The following C2orf76 variants were observed in gnomAD, a reference collection of about 807,000 sequenced individuals.
The protein encoded by C2orf76 is chromosome 2 open reading frame 76.
C2orf76 carries 23 observed loss-of-function variants against 16.9 expected under a neutral mutation model. The ratio of observed to expected loss-of-function variants is 1.36; its 90% CI spans 0.98 to 1.93. The LOEUF is 1.93. Ranked by LOEUF, C2orf76 falls within the 30% of genes most tolerant of loss-of-function variation. C2orf76 has a pLI of 0.00. For missense variants in C2orf76, 152 were observed against 152.6 expected, an observed-to-expected ratio of 1.00 and a Z score of 0.02; for synonymous variants, 48 against 52.3, an observed-to-expected ratio of 0.92 and a Z score of 0.35.
chr2:119,327,792 T>C lies in C2orf76; in HGVS notation c.134-6588A>G, dbSNP rs1679555964. 2.0e-5 allele frequency among the ~76,000 whole-genome samples: 3 copies of C among 152,324 alleles called. No homozygotes were observed. The South Asian group carries it at 6.2e-4, about 32-fold the overall frequency. ...CAAATAAATCTCTTTTCTTTATAAA[T>C]TACCCAGCTTCAGGTATTCCTTTAT... On this transcript the variant is annotated intron_variant, in intron 2 of 5. Coordinates refer to ENST00000334816, the MANE Select transcript of C2orf76 (RefSeq NM_001322331.2).
intron 1 of C2orf76, among the ~76,000 whole-genome samples, chr2:119,344,815 G>A (rs1680147306): frequency 6.6e-6 from 1 of 152,152 alleles, no homozygotes. Flanking sequence ...GGATACTGGA[G>A]CAGAAATAGA....
At chr2:119,305,077 C>T (rs1181353468) in intron 5 of C2orf76, among the ~76,000 whole-genome samples, 3 of 152,166 alleles carry the variant, frequency 2.0e-5, no homozygotes, top group Non-Finnish European at 4.4e-5. Context: ...AGTGCCTTGG[C>T]ATGGGAATCT....
intron 1 of C2orf76, among the ~76,000 whole-genome samples, chr2:119,345,762 CT>C (rs762012065): frequency 1.6e-3 from 241 of 152,170 alleles, no homozygotes; most frequent in Non-Finnish European, 2.6e-3. Context: ...CTAAAAAGTA[CT>C]AAAAGAATAA....
chr2:119,322,722 A>G (rs1194907077), intron 2 of C2orf76, among the ~76,000 whole-genome samples: 1 of 152,216 alleles, frequency 6.6e-6, no homozygotes, highest in Non-Finnish European at 1.5e-5. Context: ...CTCTACTAAC[A>G]TGATAAGATC....
chr2:119,361,260 G>GA (rs1297173113), intron 1 of C2orf76, among the ~76,000 whole-genome samples: 1 of 152,188 alleles, frequency 6.6e-6, no homozygotes, highest in Non-Finnish European at 1.5e-5. Flanking sequence ...AATATTAAAT[G>GA]AAAAATTCCA....
chr2:119,362,884 C>T (rs1680788704), intron 1 of C2orf76, among the ~76,000 whole-genome samples: 1 of 152,156 alleles, frequency 6.6e-6, no homozygotes, highest in African/African-American at 2.4e-5. Flanking sequence ...TTACTCTTCT[C>T]TCCTGCCCGC....
At chr2:119,285,871 A>G in the C2orf76 span, among the ~76,000 whole-genome samples, 2 of 152,148 alleles carry the variant, frequency 1.3e-5, no homozygotes, top group African/African-American at 2.4e-5. Flanking sequence ...ATGGAGATGC[A>G]AGAGTAAGCC....
chr2:119,321,249 C>T (rs1679332818), intron 2 of C2orf76, 45 bp from the exon 3 acceptor site: 3 of 1,030,854 alleles, frequency 2.9e-6, no homozygotes, highest in Non-Finnish European at 4.4e-6. Context: ...CAAATAGACA[C>T]TCATAGAATA....
intron 5 of C2orf76, among the ~76,000 whole-genome samples, chr2:119,303,969 T>C (rs1446796554): frequency 6.6e-6 from 1 of 152,016 alleles, no homozygotes; most frequent in Non-Finnish European, 1.5e-5. Context: ...TAAGTTAAGG[T>C]ACAGTTAAAT....
intron 1 of C2orf76, among the ~76,000 whole-genome samples, chr2:119,354,567 G>A (rs1254897741): frequency 6.6e-6 from 1 of 152,004 alleles, no homozygotes; most frequent in African/African-American, 2.4e-5. Flanking sequence ...TTATAAACTA[G>A]GACTATATGA....
At chr2:119,330,267 C>G (rs569570325) in intron 2 of C2orf76, among the ~76,000 whole-genome samples, 15 of 151,184 alleles carry the variant, frequency 9.9e-5, no homozygotes, top group African/African-American at 3.4e-4. Context: ...GTCCCAGCTA[C>G]TTGGGAGGCT....
intron 5 of C2orf76, among the ~76,000 whole-genome samples, chr2:119,309,398 C>CTTTTTTTTTTT (rs1193022536): frequency 7.0e-5 from 5 of 71,356 alleles, no homozygotes; most frequent in East Asian, 4.0e-4. Context: ...TTCTCTTTTT[C>CTTTTTTTTTTT]TTTTTTTTTT....
intron 1 of C2orf76, among the ~76,000 whole-genome samples, chr2:119,348,579 G>C (rs1170664948): frequency 1.3e-5 from 2 of 152,126 alleles, no homozygotes; most frequent in African/African-American, 2.4e-5. Context: ...CCAGCTACTC[G>C]GGAGGCTGAG....
chr2:119,336,323 C>A (rs1266896793), intron 2 of C2orf76, among the ~76,000 whole-genome samples: 1 of 151,960 alleles, frequency 6.6e-6, no homozygotes, highest in Non-Finnish European at 1.5e-5. Flanking sequence ...AATTCAGGAG[C>A]CAGAGGTTGT....
In C2orf76 at chr2:119,321,185, G is replaced by A. The variant is rs973131908; in HGVS notation, c.153C>T (p.Asn51=). The A allele has an allele frequency of 3.5e-6, 5 of 1,443,402 alleles. No individual in the cohort carries two copies. The African/African-American group carries it at 6.1e-5, about 18-fold the overall frequency. The allele number at this position is 1,443,402 out of a possible 1,614,324, so 89.4% of individuals were successfully genotyped here. A position where few individuals can be genotyped will look rare whatever the true frequency, so the allele number is the denominator to read the frequency against. Residue 51 remains asparagine, a synonymous_variant, in exon 3 of 6, where the codon AAC becomes AAT. Coordinates refer to ENST00000334816, the MANE Select transcript of C2orf76 (RefSeq NM_001322331.2). ...FLKQDIPLRT[N]LPPPFRNYKY... ...TATAATTTCTGAATGGTGGTGGCAG[G>A]TTGGTCCTTAAAGGGATATCTACAA...
At chr2:119,321,909 A>G (rs967177942) in intron 2 of C2orf76, among the ~76,000 whole-genome samples, 2 of 151,874 alleles carry the variant, frequency 1.3e-5, no homozygotes, top group African/African-American at 2.4e-5. Context: ...AGAGCCCCTT[A>G]TGGGTCTTTG....
At chr2:119,350,376 A>C (rs1680360471) in intron 1 of C2orf76, among the ~76,000 whole-genome samples, 1 of 152,184 alleles carries the variant, frequency 6.6e-6, no homozygotes, top group Non-Finnish European at 1.5e-5. Context: ...TTGAAAAGTA[A>C]GAGTGCCTAG....
At chr2:119,289,472 G>C in the C2orf76 span, among the ~76,000 whole-genome samples, 7 of 152,136 alleles carry the variant, frequency 4.6e-5, no homozygotes, top group African/African-American at 1.7e-4. Context: ...CAGATCAGGA[G>C]GTCAAGTGAT....
At chr2:119,300,218 A>C (rs1246157964), downstream of C2orf76, among the ~76,000 whole-genome samples, 1 of 152,198 alleles carries the variant, frequency 6.6e-6, no homozygotes, top group African/African-American at 2.4e-5. Context: ...ACATATGTAA[A>C]TTAACTACCA....
Sources: allele counts gnomAD v4.1 joint callset (sites outside exome capture counted in the v4.1 genomes callset), GRCh38; gene constraint gnomAD v4.1.1; transcripts MANE v1.5; gene names NCBI Gene and HGNC (gene_info 2026-07-23, HGNC 2026-07-21).